Variants in DIS3L2 observed in about 807,000 individuals in gnomAD.
DIS3L2 encodes the protein DIS3 like 3'-5' exoribonuclease 2, also known as DIS3-like exonuclease 2.
DIS3L2 carries 34 observed loss-of-function variants against 97.5 expected under a neutral mutation model. The observed-to-expected ratio is 0.35, with a 90% confidence interval of 0.27 to 0.46. DIS3L2 has a LOEUF of 0.46. DIS3L2 is among the 20% of genes least tolerant of loss of function. The probability of loss-of-function intolerance (pLI) is 1.00; values close to 1 mark genes in which losing one functional copy is unlikely to be tolerated. For missense variants in DIS3L2, 1,038 were observed against 1,146.0 expected (o/e 0.91, Z 1.36); for synonymous variants, 435 against 445.2 (o/e 0.98, Z 0.29).
intron 3 of DIS3L2, among the ~76,000 whole-genome samples, chr2:232,016,652 G>A (rs1460161739): frequency 1.3e-5 from 2 of 152,166 alleles, no homozygotes; most frequent in East Asian, 3.8e-4. Flanking sequence ...TGGCAGCTTA[G>A]GCCTCCTTGG....
chr2:232,332,474 T>G (rs938608360), intron 16 of DIS3L2, among the ~76,000 whole-genome samples: 6 of 151,492 alleles, frequency 4.0e-5, no homozygotes, highest in African/African-American at 7.3e-5. Context: ...AGGCGTGACC[T>G]TGGACCTCTG....
At chr2:232,000,510 A>G (rs1693848212) in intron 1 of DIS3L2, among the ~76,000 whole-genome samples, 1 of 151,962 alleles carries the variant, frequency 6.6e-6, no homozygotes, top group Non-Finnish European at 1.5e-5. Context: ...ATCATGTGGT[A>G]TTTATTTGTC....
chr2:232,017,560 C>G (rs1168694634), intron 3 of DIS3L2, among the ~76,000 whole-genome samples: 1 of 152,196 alleles, frequency 6.6e-6, no homozygotes, highest in African/African-American at 2.4e-5. Context: ...CTGTAAGTTT[C>G]TTGGCCCTTC....
intron 6 of DIS3L2, among the ~76,000 whole-genome samples, chr2:232,116,043 A>C (rs747269661): frequency 2.0e-5 from 3 of 152,092 alleles, no homozygotes; most frequent in Non-Finnish European, 4.4e-5. Context: ...ATGGTGCCGG[A>C]CACTTGTAAT....
In DIS3L2 at chr2:232,343,594, T is replaced by C. The variant is rs747408107; in HGVS notation, c.*19T>C. ...GATTTGAAGAAGCATGTGGAATTCC[T>C]TGTGGCGGAGAAGGAAAGATTATGG... On this transcript the variant is annotated 3_prime_UTR_variant, in exon 14 of 14. Transcript: ENST00000273009. 4.1e-5 allele frequency: 65 copies of C among 1,573,060 alleles called. 1 individual carries two copies. The highest frequency in any genetic ancestry group is 1.7e-4 in the Middle Eastern group (1 of 6,008).
At chr2:232,288,212 C>T (rs545949134) in intron 13 of DIS3L2, among the ~76,000 whole-genome samples, 1 of 152,322 alleles carries the variant, frequency 6.6e-6, no homozygotes, top group South Asian at 2.1e-4. Context: ...AGGAAGGAAG[C>T]AGAATTAGCA....
intron 5 of DIS3L2, among the ~76,000 whole-genome samples, chr2:232,059,590 G>T (rs1177946765): frequency 6.6e-6 from 1 of 152,170 alleles, no homozygotes; most frequent in African/African-American, 2.4e-5. Flanking sequence ...TGTCACCCAA[G>T]TATTGAACAT....
intron 1 of DIS3L2, among the ~76,000 whole-genome samples, chr2:231,985,116 G>A (rs190975136): frequency 6.6e-6 from 1 of 152,172 alleles, no homozygotes; most frequent in Admixed American, 6.5e-5. Flanking sequence ...TACCAGTTTT[G>A]CTTTTACTCA....
At chr2:232,230,457 T>C (rs900983300) in intron 10 of DIS3L2, among the ~76,000 whole-genome samples, 12 of 152,212 alleles carry the variant, frequency 7.9e-5, no homozygotes, top group African/African-American at 2.9e-4. Flanking sequence ...TCTATCTCTG[T>C]TGAGGCTCCT....
intron 1 of DIS3L2, among the ~76,000 whole-genome samples, chr2:231,972,516 A>G (rs1393703655): frequency 1.3e-5 from 2 of 152,200 alleles, no homozygotes; most frequent in Non-Finnish European, 2.9e-5. Flanking sequence ...AAATGTCGTT[A>G]TGGAATGCAT....
intron 6 of DIS3L2, among the ~76,000 whole-genome samples, chr2:232,101,397 G>A (rs1337041620): frequency 2.3e-5 from 1 of 43,850 alleles, no homozygotes; most frequent in Non-Finnish European, 4.5e-5. Flanking sequence ...ATACCTAGAT[G>A]TATTTTTTGT....
chr2:232,197,474 A>G (rs1392547981), intron 9 of DIS3L2, among the ~76,000 whole-genome samples: 5 of 152,168 alleles, frequency 3.3e-5, no homozygotes, highest in African/African-American at 1.2e-4. Flanking sequence ...ACTAAGGAGT[A>G]TCTACTGTGA....
chr2:232,204,149 C>T (rs1691967755), intron 9 of DIS3L2, among the ~76,000 whole-genome samples: 1 of 152,018 alleles, frequency 6.6e-6, no homozygotes. Flanking sequence ...TGGTAGGGGC[C>T]ATGACCAAAA....
At chr2:232,023,485 G>T (rs1694576028) in intron 3 of DIS3L2, among the ~76,000 whole-genome samples, 1 of 152,186 alleles carries the variant, frequency 6.6e-6, no homozygotes. Context: ...CTGGCTGTTA[G>T]AAAAATAACT....
chr2:231,991,610 G>A (rs1693586816), intron 1 of DIS3L2, among the ~76,000 whole-genome samples: 1 of 152,122 alleles, frequency 6.6e-6, no homozygotes, highest in African/African-American at 2.4e-5. Context: ...ACATTACAGA[G>A]GCTATTCATT....
chr2:232,289,235 G>GT (rs1290362867), intron 13 of DIS3L2, among the ~76,000 whole-genome samples: 5 of 151,454 alleles, frequency 3.3e-5, no homozygotes, highest in African/African-American at 9.7e-5. Flanking sequence ...TGAGGAAAGA[G>GT]TTTTTTGTTT....
At chr2:231,983,820 T>A (rs1574785439) in intron 1 of DIS3L2, among the ~76,000 whole-genome samples, 1 of 148,132 alleles carries the variant, frequency 6.8e-6, no homozygotes, top group African/African-American at 2.5e-5. Context: ...ACCCGGGAGG[T>A]GGAGGTTGCA....
chr2:232,187,634 G>A (rs897271350), intron 9 of DIS3L2, among the ~76,000 whole-genome samples: 1 of 151,944 alleles, frequency 6.6e-6, no homozygotes, highest in Admixed American at 6.5e-5. Context: ...GTAGAGACAG[G>A]GTTTCACCAT....
intron 8 of DIS3L2, among the ~76,000 whole-genome samples, chr2:232,163,152 T>C (rs1264846356): frequency 6.6e-6 from 1 of 152,182 alleles, no homozygotes; most frequent in African/African-American, 2.4e-5. Context: ...GATCATAATA[T>C]CAATTTTGAC....
Sources: allele counts gnomAD v4.1 joint callset (sites outside exome capture counted in the v4.1 genomes callset), GRCh38; gene constraint gnomAD v4.1.1; transcripts MANE v1.5; gene names NCBI Gene and HGNC (gene_info 2026-07-23, HGNC 2026-07-21).